The following SPATA6L variants were observed in gnomAD, a reference collection of about 807,000 sequenced individuals.
SPATA6L encodes spermatogenesis associated 6-like protein.
SPATA6L carries 68 observed loss-of-function variants against 49.2 expected under a neutral mutation model. The ratio of observed to expected loss-of-function variants is 1.38; its 90% confidence interval spans 1.14 to 1.69. SPATA6L has a LOEUF of 1.69. Among genes scored for constraint, SPATA6L ranks in the 40% most tolerant of loss-of-function variants. SPATA6L has a pLI of 0.00. For missense variants in SPATA6L, 668 were observed against 464.3 expected (o/e 1.44, Z -4.03); for synonymous variants, 198 against 165.7 (o/e 1.19, Z -1.50).
chr9:4,639,982 C>G (rs1320143610), intron 3 of SPATA6L, among the ~76,000 whole-genome samples: 1 of 152,164 alleles, frequency 6.6e-6, no homozygotes, highest in Non-Finnish European at 1.5e-5. Flanking sequence ...TAATCTGAGG[C>G]AAAAGTTCTT....
At chr9:4,660,323 AC>A (rs1839317535) in intron 2 of SPATA6L, among the ~76,000 whole-genome samples, 1 of 152,256 alleles carries the variant, frequency 6.6e-6, no homozygotes, top group Admixed American at 6.5e-5. Context: ...AAGAACTTAA[AC>A]AAATTTACAA....
downstream of SPATA6L, among the ~76,000 whole-genome samples, chr9:4,594,402 C>T (rs1328919151): frequency 2.0e-5 from 3 of 152,056 alleles, no homozygotes; most frequent in African/African-American, 2.4e-5. Flanking sequence ...TTAGTAGAGA[C>T]GGGGTTTCAC....
chr9:4,638,155 G>C (rs1833181772), intron 3 of SPATA6L, among the ~76,000 whole-genome samples: 1 of 150,454 alleles, frequency 6.6e-6, no homozygotes, highest in South Asian at 2.1e-4. Context: ...TAAATTACTA[G>C]GAATAAAGAG....
chr9:4,597,308 A>G (rs1020084109), downstream of SPATA6L, among the ~76,000 whole-genome samples: 2 of 146,390 alleles, frequency 1.4e-5, no homozygotes, highest in African/African-American at 2.6e-5. Context: ...ATATAAAAAA[A>G]GAAAACAAAA....
chr9:4,628,392 C>T (rs7852853), intron 5 of SPATA6L: 25,602 of 151,816 alleles, frequency 0.17, 4,593 homozygotes, highest in African/African-American at 0.45. Context: ...GTACTACGTA[C>T]CCATAAAAAA....
intron 1 of SPATA6L, among the ~76,000 whole-genome samples, chr9:4,665,546 A>G (rs1840732618): frequency 6.6e-6 from 1 of 152,240 alleles, no homozygotes; most frequent in African/African-American, 2.4e-5. Context: ...GCTTGTAATC[A>G]TAGCCAGTAG....
downstream of SPATA6L, among the ~76,000 whole-genome samples, chr9:4,595,728 C>T (rs1234405177): frequency 6.6e-6 from 1 of 152,194 alleles, no homozygotes; most frequent in East Asian, 1.9e-4. Context: ...CTGAAACATA[C>T]AGAAGCAACA....
intron 3 of SPATA6L, among the ~76,000 whole-genome samples, chr9:4,640,639 G>A (rs1240573318): frequency 9.2e-5 from 14 of 152,026 alleles, no homozygotes; most frequent in Non-Finnish European, 1.8e-4. Flanking sequence ...CTACGTGCCC[G>A]GAGCCACCAG....
At chr9:4,655,771 A>C (rs1266352295) in intron 3 of SPATA6L, among the ~76,000 whole-genome samples, 1 of 152,062 alleles carries the variant, frequency 6.6e-6, no homozygotes, top group Non-Finnish European at 1.5e-5. Flanking sequence ...GGCTGGTCTC[A>C]AACTCCTGAC....
intron 9 of SPATA6L, among the ~76,000 whole-genome samples, chr9:4,612,621 C>T (rs1168453260): frequency 2.0e-5 from 3 of 152,180 alleles, no homozygotes; most frequent in East Asian, 1.9e-4. Context: ...ATTTGCACCA[C>T]TGGACATTTT....
In SPATA6L at chr9:4,662,702, C is replaced by G. The variant is rs973526061; in HGVS notation, c.40-666G>C. On this transcript the variant is annotated intron_variant, in intron 1 of 11. Transcript: ENST00000682582. The surrounding 1 kb of genome is among the most constrained non-coding windows in gnomAD (Gnocchi z 4.9). ...TCGCCCTGCGCTCCCTGCTGGCCATCGACCTGTGGCTGTCCAAGAAGCTGG... is the reference window on the plus strand; with the variant it reads ...TCGCCCTGCGCTCCCTGCTGGCCATGGACCTGTGGCTGTCCAAGAAGCTGG... 1.2e-6 allele frequency: 2 copies of G among 1,601,568 alleles called. No individual in the cohort carries two copies. Among genetic ancestry groups the G allele is most frequent in the African/African-American group, 1.3e-5 (1 of 75,046 alleles).
intron 3 of SPATA6L, among the ~76,000 whole-genome samples, chr9:4,638,372 C>G (rs1833259744): frequency 6.6e-6 from 1 of 152,104 alleles, no homozygotes; most frequent in Admixed American, 6.5e-5. Context: ...GCCACCAAGC[C>G]TGGCTAATTT....
intron 3 of SPATA6L, among the ~76,000 whole-genome samples, chr9:4,654,112 C>A (rs778721162): frequency 1.3e-5 from 2 of 152,172 alleles, no homozygotes; most frequent in African/African-American, 4.8e-5. Context: ...CCACTTCACA[C>A]CCACAAAGAT....
intron 5 of SPATA6L, chr9:4,626,768 TA>T: frequency 3.4e-6 from 1 of 297,244 alleles, no homozygotes; most frequent in Non-Finnish European, 6.7e-6. Flanking sequence ...CAGATTACAG[TA>T]CTTCCATACA....
intron 4 of SPATA6L, among the ~76,000 whole-genome samples, chr9:4,630,458 C>A (rs1387732324): frequency 1.3e-5 from 2 of 152,120 alleles, no homozygotes; most frequent in Non-Finnish European, 1.5e-5. Flanking sequence ...TCACCAGTGG[C>A]CCCTCTGCAT....
chr9:4,663,209 C>G lies in SPATA6L; in HGVS notation c.40-1173G>C, dbSNP rs376889776. The stretch of plus-strand genomic sequence containing the variant: ...TGCAGTACAGCATCGTGGACTATTG[C>G]TGGCTCTCACCCCATAATGCTCCGG... On this transcript the variant is annotated intron_variant, in intron 1 of 11. Coordinates refer to ENST00000682582, the MANE Select transcript of SPATA6L (RefSeq NM_001353486.2). 1.9e-6 allele frequency: 3 copies of G among 1,614,026 alleles called. No individual in the cohort carries two copies. The African/African-American group carries it at 4.0e-5, about 22-fold the overall frequency.
intron 11 of SPATA6L, among the ~76,000 whole-genome samples, chr9:4,601,587 G>C (rs1823295780): frequency 6.6e-6 from 1 of 152,154 alleles, no homozygotes; most frequent in South Asian, 2.1e-4. Flanking sequence ...AAGAATCCCT[G>C]ACCTTTTTGT....
chr9:4,655,922 T>C, intron 3 of SPATA6L, 119 bp downstream of exon 3: 9 of 816,088 alleles, frequency 1.1e-5, no homozygotes, highest in Non-Finnish European at 1.3e-5. Context: ...GTAGGCTGTC[T>C]TGAAATAAAT....
intron 9 of SPATA6L, among the ~76,000 whole-genome samples, chr9:4,614,551 G>A (rs1460755228): frequency 6.6e-6 from 1 of 152,282 alleles, no homozygotes; most frequent in East Asian, 1.9e-4. Flanking sequence ...CGGGCAATGT[G>A]TTCTGCAAGG....
Sources: allele counts gnomAD v4.1 joint callset (sites outside exome capture counted in the v4.1 genomes callset), GRCh38; gene constraint gnomAD v4.1.1; non-coding constraint Gnocchi (gnomAD v3.1); transcripts MANE v1.5; gene names NCBI Gene and HGNC (gene_info 2026-07-23, HGNC 2026-07-21).